TMEM260: variants seen among roughly 807,000 people sequenced by gnomAD.
TMEM260 encodes the protein protein O-mannosyl-transferase TMEM260.
In TMEM260, 82 loss-of-function variants were observed where a neutral mutation model predicts 88.9. The observed-to-expected ratio is 0.92, with a 90% CI of 0.77 to 1.11. The LOEUF (loss-of-function observed/expected upper bound fraction) is 1.11. Among genes scored for constraint, TMEM260 ranks in the 50% least tolerant of loss-of-function variants. TMEM260 has a pLI of 0.00. For missense variants in TMEM260, 902 were observed against 853.4 expected (o/e 1.06, Z -0.71); for synonymous variants, 314 against 309.3 (o/e 1.02, Z -0.16).
intron 3 of TMEM260, among the ~76,000 whole-genome samples, chr14:56,598,591 A>C (rs922366335): frequency 6.6e-6 from 1 of 152,210 alleles, no homozygotes; most frequent in East Asian, 1.9e-4. Context: ...CAGATAATGC[A>C]TAGGAAATAT....
chr14:56,611,598 A>G (rs1257052227), intron 6 of TMEM260, among the ~76,000 whole-genome samples: 1 of 152,148 alleles, frequency 6.6e-6, no homozygotes, highest in South Asian at 2.1e-4. Flanking sequence ...TGGGAGTGTA[A>G]ATTAGTTCAG....
At chr14:56,660,272 G>C in the TMEM260 span, among the ~76,000 whole-genome samples, 6 of 152,216 alleles carry the variant, frequency 3.9e-5, no homozygotes, top group Admixed American at 2.6e-4. Flanking sequence ...ATGTGGTTCG[G>C]AATAGGAGGT....
intron 1 of TMEM260, 122 bp downstream of exon 1, chr14:56,580,196 C>G (rs528242977): frequency 1.9e-5 from 14 of 744,630 alleles, no homozygotes; most frequent in Admixed American, 4.3e-5. Context: ...CATCCACCCC[C>G]CTGTGCACAG....
At chr14:56,658,075 C>T in the TMEM260 span, among the ~76,000 whole-genome samples, 6 of 152,118 alleles carry the variant, frequency 3.9e-5, no homozygotes, top group Admixed American at 2.6e-4. Context: ...GCCTAACTCT[C>T]CTTAAAGCCA....
At chr14:56,600,432 G>A (rs533316496) in intron 3 of TMEM260, among the ~76,000 whole-genome samples, 73 of 152,164 alleles carry the variant, frequency 4.8e-4, no homozygotes, top group Middle Eastern at 3.4e-3. Context: ...GTGGTTAGCC[G>A]AAAAGAAACA....
chr14:56,640,102 C>A (rs1889462229), intron 15 of TMEM260, among the ~76,000 whole-genome samples: 1 of 152,214 alleles, frequency 6.6e-6, no homozygotes, highest in African/African-American at 2.4e-5. Context: ...CAGCAATATC[C>A]TCTGCAGACT....
At chr14:56,632,499 C>T (rs1030089236) in intron 12 of TMEM260, among the ~76,000 whole-genome samples, 5 of 152,176 alleles carry the variant, frequency 3.3e-5, no homozygotes, top group African/African-American at 1.2e-4. Flanking sequence ...CTGGGGGATT[C>T]CCTCCACTCT....
At chr14:56,645,841 T>C (rs1363844551) in intron 15 of TMEM260, among the ~76,000 whole-genome samples, 1 of 152,158 alleles carries the variant, frequency 6.6e-6, no homozygotes, top group Non-Finnish European at 1.5e-5. Flanking sequence ...AAAAGGATGA[T>C]GACAAAAAGG....
At chr14:56,612,401 G>T in intron 7 of TMEM260, 116 bp downstream of exon 7, 2 of 875,194 alleles carry the variant, frequency 2.3e-6, no homozygotes, top group South Asian at 2.9e-5. Flanking sequence ...AGAAGTAGTT[G>T]TTACCTCTAC....
intron 1 of TMEM260, among the ~76,000 whole-genome samples, chr14:56,583,376 T>C (rs369629716): frequency 6.6e-5 from 10 of 152,284 alleles, no homozygotes; most frequent in African/African-American, 2.4e-4. Context: ...GGTGCCCTTA[T>C]AAGGCTTCCA....
intron 3 of TMEM260, among the ~76,000 whole-genome samples, chr14:56,602,928 G>A (rs1469989534): frequency 1.3e-5 from 2 of 152,134 alleles, no homozygotes; most frequent in African/African-American, 4.8e-5. Context: ...GTTGGACGCA[G>A]TAATGCTTGC....
intron 12 of TMEM260, among the ~76,000 whole-genome samples, chr14:56,629,384 T>TA (rs1378591690): frequency 6.6e-6 from 1 of 151,928 alleles, no homozygotes; most frequent in Admixed American, 6.6e-5. Context: ...GTGATAACCT[T>TA]ACTGTCATAT....
intron 9 of TMEM260, among the ~76,000 whole-genome samples, 167 bp downstream of exon 9, chr14:56,617,464 CTT>C (rs1331044609): frequency 6.9e-6 from 1 of 144,788 alleles, no homozygotes; most frequent in African/African-American, 2.6e-5. Context: ...GCTAAGGCCT[CTT>C]TTTAGGATAA....
At chr14:56,661,578 A>C in the TMEM260 span, among the ~76,000 whole-genome samples, 1 of 149,542 alleles carries the variant, frequency 6.7e-6, no homozygotes, top group African/African-American at 2.4e-5. Flanking sequence ...GAAGGGAGGA[A>C]GGGAGGGAAG....
chr14:56,650,663 T>G (rs1338229018), downstream of TMEM260: 2 of 152,306 alleles, frequency 1.3e-5, no homozygotes, highest in African/African-American at 4.8e-5. Context: ...TTAGCCTTTA[T>G]GATATTTAAA....
At chr14:56,608,040 G>T (rs562478501) in intron 5 of TMEM260, among the ~76,000 whole-genome samples, 1 of 152,254 alleles carries the variant, frequency 6.6e-6, no homozygotes, top group East Asian at 1.9e-4. Flanking sequence ...AAGGCATGTT[G>T]TTAGATTAGT....
intron 15 of TMEM260, among the ~76,000 whole-genome samples, chr14:56,646,064 G>A (rs1889945400): frequency 6.6e-6 from 1 of 152,150 alleles, no homozygotes; most frequent in South Asian, 2.1e-4. Context: ...CAAAGTGCTG[G>A]GATTGCAGGC....
In TMEM260 at chr14:56,623,398, CCTCT is replaced by C. The variant is rs1250605732; in HGVS notation, c.1398+1701_1398+1704del. ...CACAGTGCTTCTTCTGGGGTATCTC[CCTCT>C]CTCTATTTATTGGAAATAACATGTG... On this transcript the variant is annotated intron_variant, in intron 11 of 15. Coordinates refer to ENST00000261556, the MANE Select transcript of TMEM260 (RefSeq NM_017799.4). Among the ~76,000 whole-genome samples, 4 of 152,140 alleles carry C rather than the reference CCTCT, an allele frequency of 2.6e-5. No homozygotes were observed. In the East Asian group the frequency reaches 7.7e-4, roughly 29 times the overall value.
At chr14:56,640,795 T>A (rs1889530991) in intron 15 of TMEM260, among the ~76,000 whole-genome samples, 1 of 151,534 alleles carries the variant, frequency 6.6e-6, no homozygotes, top group Admixed American at 6.6e-5. Context: ...TGCAGAGAAG[T>A]CCTTAAAGGA....
Sources: allele counts gnomAD v4.1 joint callset (sites outside exome capture counted in the v4.1 genomes callset), GRCh38; gene constraint gnomAD v4.1.1; transcripts MANE v1.5; gene names NCBI Gene and HGNC (gene_info 2026-07-23, HGNC 2026-07-21).